ZNF254: variants seen among roughly 807,000 people sequenced by gnomAD.
ZNF254 encodes CTD-2017D11.1.
In ZNF254, 10 loss-of-function variants were observed where a neutral mutation model predicts 12.4. The observed-to-expected ratio is 0.80, with a 90% CI of 0.50 to 1.36. The LOEUF (loss-of-function observed/expected upper bound fraction) is 1.36. Ranked by LOEUF, ZNF254 falls within the 40% of genes most tolerant of loss-of-function variation. ZNF254 has a pLI of 0.00. For synonymous variants in ZNF254, 305 were observed against 253.4 expected (o/e 1.20, Z -1.93); for missense variants, 996 against 763.9 (o/e 1.30, Z -3.58).
chr19:24,116,104 C>A (rs924123458), intron 3 of ZNF254, among the ~76,000 whole-genome samples: 4 of 152,176 alleles, frequency 2.6e-5, no homozygotes, highest in Non-Finnish European at 5.9e-5. Context: ...GGTAGTCCGA[C>A]CTTTCTCTCT....
chr19:24,068,690 C>T (rs1349660517), intron 2 of ZNF254, among the ~76,000 whole-genome samples: 1 of 152,128 alleles, frequency 6.6e-6, no homozygotes. Context: ...CTGGTCCTTG[C>T]CTTCAAAAAA....
intron 3 of ZNF254, among the ~76,000 whole-genome samples, chr19:24,118,354 G>A (rs763795956): frequency 1.4e-4 from 22 of 151,970 alleles, no homozygotes; most frequent in Non-Finnish European, 3.1e-4. Flanking sequence ...ACTTGGCCAA[G>A]GGTTTTACTG....
At chr19:24,085,408 G>T (rs575396759), upstream of ZNF254, among the ~76,000 whole-genome samples, 4 of 32,712 alleles carry the variant, frequency 1.2e-4, no homozygotes, top group African/African-American at 3.5e-4. Context: ...TTTGTTAAGG[G>T]TATATATATA....
intron 3 of ZNF254, among the ~76,000 whole-genome samples, chr19:24,117,898 G>A (rs1042220961): frequency 6.6e-6 from 1 of 151,748 alleles, no homozygotes; most frequent in Non-Finnish European, 1.5e-5. Flanking sequence ...ATGTCTTCAA[G>A]GTCTTTTGTT....
intron 3 of ZNF254, among the ~76,000 whole-genome samples, chr19:24,125,998 TTTC>T (rs1487165685): frequency 4.6e-5 from 7 of 152,202 alleles, no homozygotes; most frequent in Admixed American, 1.3e-4. Flanking sequence ...GACTTTTCTT[TTTC>T]TTCTTTGTGT....
intron 2 of ZNF254, among the ~76,000 whole-genome samples, chr19:24,072,437 G>T (rs1467934700): frequency 1.3e-5 from 2 of 152,154 alleles, no homozygotes; most frequent in East Asian, 3.9e-4. Context: ...CTCCCAAAGT[G>T]CTGATATTAC....
intron 3 of ZNF254, among the ~76,000 whole-genome samples, chr19:24,110,647 G>A (rs2145847418): frequency 6.6e-6 from 1 of 151,836 alleles, no homozygotes; most frequent in Non-Finnish European, 1.5e-5. Context: ...TTTACATCTT[G>A]TAAAACTAAA....
chr19:24,118,538 C>T (rs992837237), intron 3 of ZNF254, among the ~76,000 whole-genome samples: 2 of 151,670 alleles, frequency 1.3e-5, no homozygotes, highest in Non-Finnish European at 2.9e-5. Context: ...CAATTATTTT[C>T]CTATTTGTAA....
intron 1 of ZNF254, chr19:24,105,198 CATCATTAGAT>C (rs995183044): frequency 5.0e-5 from 8 of 158,496 alleles, no homozygotes; most frequent in African/African-American, 1.9e-4. Flanking sequence ...TTTTTCTCTT[CATCATTAGAT>C]ATCTTTATGG....
chr19:24,048,431 C>T (rs1001499758), intron 2 of ZNF254, among the ~76,000 whole-genome samples: 2 of 152,210 alleles, frequency 1.3e-5, no homozygotes, highest in Non-Finnish European at 1.5e-5. Flanking sequence ...CGGCCACAAG[C>T]GTAGGACTTG....
chr19:24,034,668 G>C (rs912081726), intron 1 of ZNF254, among the ~76,000 whole-genome samples: 3 of 151,652 alleles, frequency 2.0e-5, no homozygotes, highest in African/African-American at 7.3e-5. Flanking sequence ...ATTTTTGCGG[G>C]GTTTCACCAT....
intron 2 of ZNF254, among the ~76,000 whole-genome samples, chr19:24,073,593 T>G (rs1440505375): frequency 6.6e-6 from 1 of 152,192 alleles, no homozygotes; most frequent in Non-Finnish European, 1.5e-5. Context: ...AGCTCACTGT[T>G]GAAGTTCTGA....
At chr19:24,125,454 G>T (rs1433504179) in intron 3 of ZNF254, among the ~76,000 whole-genome samples, 1 of 150,486 alleles carries the variant, frequency 6.6e-6, no homozygotes. Context: ...GATATTTTTG[G>T]TGGGATTGTA....
chr19:24,044,964 G>A (rs1489664650), intron 1 of ZNF254, among the ~76,000 whole-genome samples: 2 of 152,102 alleles, frequency 1.3e-5, no homozygotes, highest in Admixed American at 6.6e-5. Context: ...TCTCTGAGTC[G>A]GAATAACTTA....
intron 3 of ZNF254, among the ~76,000 whole-genome samples, chr19:24,118,280 C>T (rs1974244563): frequency 6.6e-6 from 1 of 151,542 alleles, no homozygotes; most frequent in East Asian, 1.9e-4. Flanking sequence ...TCTTGAACTC[C>T]TGACCTCAAA....
intron 1 of ZNF254, among the ~76,000 whole-genome samples, chr19:24,035,195 G>T (rs1188407096): frequency 6.7e-6 from 1 of 150,264 alleles, no homozygotes; most frequent in Non-Finnish European, 1.5e-5. Flanking sequence ...ATGGAGTCTC[G>T]CTCTGTTGCC....
In ZNF254 at chr19:24,087,258, C is replaced by T. The variant is rs769758332; in HGVS notation, c.-50C>T. The T allele has an allele frequency of 1.9e-6, 3 of 1,611,150 alleles. No homozygotes were observed. The highest frequency in any genetic ancestry group is 1.7e-6 in the Non-Finnish European group (2 of 1,177,886). On this transcript the variant is annotated 5_prime_UTR_variant, in exon 1 of 4. Transcript: ENST00000357002. ...CTCTGTGTCCTCTGCTCCTAGAGGC[C>T]CAGCCTCTGTGGCGCTGTTACCAGC...
chr19:24,126,336 T>C lies in ZNF254; in HGVS notation c.336T>C (p.Tyr112=), dbSNP rs745814836. The change falls in exon 4 of 4, where the codon TAT becomes TAC. Residue 112 remains tyrosine (Y), a synonymous_variant. Transcript: ENST00000357002. ...TTCAAAAAGCAATACTGAGAAGATA[T>C]GGAAAATATGGACATGAGAATTTAC... ...DSFQKAILRR[Y]GKYGHENLQL... 15 of 1,607,440 alleles carry C rather than the reference T, an allele frequency of 9.3e-6. No individual in the cohort carries two copies. In the Admixed American group the frequency reaches 1.2e-4, roughly 13 times the overall value.
At chr19:24,041,231 A>G (rs1970141054) in intron 1 of ZNF254, among the ~76,000 whole-genome samples, 1 of 152,234 alleles carries the variant, frequency 6.6e-6, no homozygotes, top group Non-Finnish European at 1.5e-5. Context: ...GGAGCCCTTC[A>G]GGCCCCCCAC....
Sources: allele counts gnomAD v4.1 joint callset (sites outside exome capture counted in the v4.1 genomes callset), GRCh38; gene constraint gnomAD v4.1.1; transcripts MANE v1.5; gene names NCBI Gene and HGNC (gene_info 2026-07-23, HGNC 2026-07-21).